Variants in MALRD1 observed in about 807,000 individuals in gnomAD.
MALRD1 encodes the protein MAM and LDL receptor class A domain containing 1.
A neutral mutation model predicts 242.1 loss-of-function variants in MALRD1; 247 were observed. The observed-to-expected ratio is 1.02, with a 90% CI of 0.92 to 1.13. The LOEUF is 1.13. Among genes scored for constraint, MALRD1 ranks in the 50% most tolerant of loss-of-function variants. The probability of loss-of-function intolerance (pLI) is 0.00; values close to 1 mark genes in which losing one functional copy is unlikely to be tolerated. For missense variants in MALRD1, 2,989 were observed against 2,533.1 expected (o/e 1.18, Z -3.86); for synonymous variants, 995 against 866.6 (o/e 1.15, Z -2.60).
At chr10:19,487,971 T>C (rs1016761059) in intron 29 of MALRD1, among the ~76,000 whole-genome samples, 2 of 152,204 alleles carry the variant, frequency 1.3e-5, no homozygotes, top group African/African-American at 2.4e-5. Context: ...GTGTTCTTTT[T>C]ATTTGTGGAA....
At chr10:19,327,427 A>G in intron 22 of MALRD1, 136 bp from the exon 23 acceptor site, 1 of 606,316 alleles carries the variant, frequency 1.6e-6, no homozygotes. Flanking sequence ...CTAATAAAAA[A>G]TATCTTAGCT....
intron 23 of MALRD1, among the ~76,000 whole-genome samples, chr10:19,328,116 A>G (rs566163250): frequency 6.6e-4 from 100 of 152,260 alleles, no homozygotes; most frequent in African/African-American, 2.2e-3. Flanking sequence ...GGGGCACAGT[A>G]TTGTGTAATG....
rs149425848 is a variant in MALRD1, at chr10:19,352,187, T to C, written c.4331T>C (p.Val1444Ala). Residue 1444 changes from valine (V) to alanine (A), a missense_variant, in exon 26 of 40, where the codon GTT becomes GCT. Coordinates refer to ENST00000454679, the MANE Select transcript of MALRD1 (RefSeq NM_001142308.3). Reference sequence around the variant, plus strand: ...TTCCAACTCAAATTTGAAGGTAGAGTTGGGAAAGGTCAGCGTGGAGACATT... The same window carrying C: ...TTCCAACTCAAATTTGAAGGTAGAGCTGGGAAAGGTCAGCGTGGAGACATT... ...EDFQLKFEGRVGKGQRGDIAL... is the reference protein window; with the variant it reads ...EDFQLKFEGRAGKGQRGDIAL... 1.3e-6 allele frequency: 2 copies of C among 1,550,264 alleles called. No individual in the cohort carries two copies. Among genetic ancestry groups the C allele is most frequent in the African/African-American group, 2.7e-5 (2 of 72,954 alleles).
At chr10:19,086,161 A>G (rs1835661895) in intron 2 of MALRD1, among the ~76,000 whole-genome samples, 1 of 152,054 alleles carries the variant, frequency 6.6e-6, no homozygotes, top group African/African-American at 2.4e-5. Context: ...CTATATTCAT[A>G]AGCAATCGTT....
In MALRD1 at chr10:19,595,451, A is replaced by G. The variant is rs1564470430; in HGVS notation, c.5938A>G (p.Ile1980Val). The change falls in exon 34 of 40, where the codon ATC becomes GTC. Residue 1980 changes from isoleucine (I) to valine (V), a missense_variant. By Grantham distance (29) the Ile-to-Val change is conservative. Coordinates refer to ENST00000454679, the MANE Select transcript of MALRD1 (RefSeq NM_001142308.3). ...PDCHFNEDEL[I>V]CSNKSCSNGA... ...CTGCCACTTTAATGAAGATGAGCTCATCTGCTGTGAGTTATTTTCACTAAC... is the reference window on the plus strand; with the variant it reads ...CTGCCACTTTAATGAAGATGAGCTCGTCTGCTGTGAGTTATTTTCACTAAC... The G allele has an allele frequency of 5.2e-6, 8 of 1,548,630 alleles. No individual in the cohort carries two copies. The highest frequency in any genetic ancestry group is 2.0e-5 in the Admixed American group (1 of 50,924).
chr10:19,264,185 G>C (rs1013393210), intron 19 of MALRD1, among the ~76,000 whole-genome samples: 1 of 152,008 alleles, frequency 6.6e-6, no homozygotes, highest in Admixed American at 6.5e-5. Context: ...ATTTTTTGAC[G>C]TGATCATAAG....
chr10:19,114,052 A>G (rs1475929104), intron 5 of MALRD1, among the ~76,000 whole-genome samples: 4 of 152,234 alleles, frequency 2.6e-5, no homozygotes, highest in African/African-American at 9.6e-5. Flanking sequence ...CTTGTGAGAT[A>G]CATATGCTCT....
intron 29 of MALRD1, chr10:19,491,298 A>G (rs1362091914): frequency 1.3e-5 from 9 of 700,742 alleles, no homozygotes; most frequent in Admixed American, 2.3e-5. Flanking sequence ...CAGCACCATC[A>G]AAGTGCATAA....
intron 30 of MALRD1, 23 bp downstream of exon 30, chr10:19,491,668 T>C: frequency 6.5e-7 from 1 of 1,543,684 alleles, no homozygotes; most frequent in Non-Finnish European, 8.7e-7. Flanking sequence ...ATCTGCTGTA[T>C]GGCAGCCAGT....
rs565262999 is a variant in MALRD1, at chr10:19,287,427, A to C, written c.3419+4246A>C. ...GTTCCGACTGTGTATATTTATACAC[A>C]GTTCTGTTTAAGTTATTAGCTTAGC... On this transcript the variant is annotated intron_variant, in intron 21 of 39. Coordinates refer to ENST00000454679, the MANE Select transcript of MALRD1 (RefSeq NM_001142308.3). Among the ~76,000 whole-genome samples, 16 of 152,194 alleles carry C rather than the reference A, an allele frequency of 1.1e-4. No individual in the cohort carries two copies. In the East Asian group the frequency reaches 1.9e-3, roughly 18 times the overall value.
chr10:19,677,434 GTA>G (rs1842180806), intron 36 of MALRD1, among the ~76,000 whole-genome samples: 2 of 152,040 alleles, frequency 1.3e-5, no homozygotes, highest in South Asian at 4.1e-4. Flanking sequence ...CTTTTTAAAA[GTA>G]TATGTTTGTT....
intron 24 of MALRD1, among the ~76,000 whole-genome samples, chr10:19,341,094 AC>A (rs747199210): frequency 1.3e-4 from 20 of 152,084 alleles, no homozygotes; most frequent in Non-Finnish European, 2.8e-4. Context: ...TAATTTTTTA[AC>A]CATTAGCAAT....
chr10:19,164,987 A>AT (rs1834611880), intron 12 of MALRD1, among the ~76,000 whole-genome samples: 1 of 152,162 alleles, frequency 6.6e-6, no homozygotes, highest in East Asian at 1.9e-4. Context: ...GATATAAAGT[A>AT]TTAATTACAG....
At chr10:19,530,436 A>T (rs1228350681) in intron 31 of MALRD1, among the ~76,000 whole-genome samples, 1 of 40,912 alleles carries the variant, frequency 2.4e-5, no homozygotes, top group Non-Finnish European at 6.6e-5. Flanking sequence ...TATAATATAT[A>T]TAATATATAA....
intron 26 of MALRD1, among the ~76,000 whole-genome samples, chr10:19,376,542 CTTTTT>C (rs57836152): frequency 4.8e-4 from 46 of 94,974 alleles, no homozygotes; most frequent in African/African-American, 1.5e-3. Flanking sequence ...TTGATACATT[CTTTTT>C]TTTTTTTTTT....
intron 14 of MALRD1, among the ~76,000 whole-genome samples, chr10:19,180,375 G>A (rs1015956492): frequency 1.3e-5 from 2 of 152,010 alleles, no homozygotes; most frequent in East Asian, 1.9e-4. Context: ...CATTTCCCTC[G>A]AGAAACATAA....
chr10:19,314,323 T>A (rs1842546809), intron 21 of MALRD1, among the ~76,000 whole-genome samples: 1 of 151,486 alleles, frequency 6.6e-6, no homozygotes, highest in African/African-American at 2.4e-5. Context: ...GAAACTTGAG[T>A]CTAGGAATCT....
intron 5 of MALRD1, among the ~76,000 whole-genome samples, chr10:19,120,830 G>T (rs967758717): frequency 1.3e-5 from 2 of 152,072 alleles, no homozygotes; most frequent in African/African-American, 4.8e-5. Context: ...CTGCAACCCT[G>T]CCTCCCGGGT....
intron 20 of MALRD1, among the ~76,000 whole-genome samples, chr10:19,280,597 T>C (rs1016015278): frequency 2.0e-5 from 3 of 152,186 alleles, no homozygotes; most frequent in Non-Finnish European, 4.4e-5. Flanking sequence ...AATTAATTTA[T>C]TCAAATTTTG....
Sources: gnomAD v4.1 joint callset for allele counts (sites outside exome capture counted in the v4.1 genomes callset) on GRCh38, gnomAD v4.1.1 for gene constraint, MANE v1.5 for transcripts, NCBI Gene and HGNC (gene_info 2026-07-23, HGNC 2026-07-21) for gene names.